Variants in TNS1 observed in about 807,000 individuals in gnomAD.
TNS1 encodes the protein tensin-1.
TNS1 carries 62 observed loss-of-function variants against 168.6 expected under a neutral mutation model. The observed-to-expected ratio is 0.37, with a 90% CI of 0.30 to 0.45. The LOEUF (loss-of-function observed/expected upper bound fraction) is 0.45, where lower values mean the gene tolerates loss of function less well. TNS1 is among the 20% of genes least tolerant of loss of function. TNS1 has a pLI of 1.00. For missense variants in TNS1, 2,240 were observed against 2,339.4 expected, an observed-to-expected ratio of 0.96 and a Z score of 0.88; for synonymous variants, 934 against 933.2, an observed-to-expected ratio of 1.00 and a Z score of -0.02.
At chr2:217,966,775 G>A (rs1469054637) in intron 3 of TNS1, among the ~76,000 whole-genome samples, 1 of 152,158 alleles carries the variant, frequency 6.6e-6, no homozygotes, top group Non-Finnish European at 1.5e-5. Context: ...TCACAGCTGT[G>A]GGGAGTAGAG....
chr2:218,010,505 T>G, upstream of TNS1: 2 of 235,946 alleles, frequency 8.5e-6, no homozygotes, highest in Admixed American at 1.1e-4. Context: ...TCTCCTCCCC[T>G]GGCTGCGTGA....
In TNS1 at chr2:217,906,166, G is replaced by C. The variant is rs183428096; in HGVS notation, c.321+169C>G. 1.1e-3 allele frequency among the ~76,000 whole-genome samples: 170 copies of C among 152,300 alleles called. 1 individual carries two copies. In the Middle Eastern group the frequency reaches 0.017, roughly 15 times the overall value. Reference sequence around the variant, plus strand: ...CGCTTAGATGGAGGCAGCACCAAAGGCTGAGGCCCAGCCTGTAAGGAAATG... The same window carrying C: ...CGCTTAGATGGAGGCAGCACCAAAGCCTGAGGCCCAGCCTGTAAGGAAATG... On this transcript the variant is annotated intron_variant, in intron 6 of 32. Coordinates refer to ENST00000682258, the MANE Select transcript of TNS1 (RefSeq NM_001387777.1).
chr2:217,879,485 T>A (rs552042433), intron 18 of TNS1: 1 of 446,346 alleles, frequency 2.2e-6, no homozygotes, highest in Non-Finnish European at 4.5e-6. Context: ...TGGTGGGGTG[T>A]CTTGGCCAAT....
At chr2:217,857,474 G>A (rs1362856873) in intron 18 of TNS1, among the ~76,000 whole-genome samples, 6 of 152,186 alleles carry the variant, frequency 3.9e-5, no homozygotes, top group African/African-American at 1.2e-4. Flanking sequence ...CTATGTCTGT[G>A]GACCCAGAAC....
At chr2:217,947,660 G>T (rs1957144069) in intron 3 of TNS1, among the ~76,000 whole-genome samples, 1 of 152,166 alleles carries the variant, frequency 6.6e-6, no homozygotes, top group Non-Finnish European at 1.5e-5. Context: ...GCGACAGAAA[G>T]GGGACAAAGG....
At chr2:217,978,739 G>C (rs1039371691) in intron 3 of TNS1, 26 bp downstream of exon 3, 5 of 701,784 alleles carry the variant, frequency 7.1e-6, no homozygotes, top group South Asian at 5.9e-5. Context: ...AAGTCCTCCC[G>C]GGCCCGCCAG....
At chr2:217,930,060 G>C (rs1956241638) in intron 3 of TNS1, among the ~76,000 whole-genome samples, 1 of 152,196 alleles carries the variant, frequency 6.6e-6, no homozygotes. Context: ...TTCGGGACCT[G>C]GCTATGCCTC....
chr2:217,927,283 T>A (rs74842411), intron 3 of TNS1, among the ~76,000 whole-genome samples: 3,357 of 152,248 alleles, frequency 0.022, 129 homozygotes, highest in African/African-American at 0.076. Flanking sequence ...CCCCTTTGGC[T>A]GGGACACAGG....
At chr2:218,003,638 C>T (rs1958613718), upstream of TNS1, among the ~76,000 whole-genome samples, 1 of 151,948 alleles carries the variant, frequency 6.6e-6, no homozygotes, top group Admixed American at 6.5e-5. Context: ...TTTTTTTCCC[C>T]CTTCTTTCTT....
chr2:217,970,679 G>A (rs1225855550), intron 3 of TNS1, among the ~76,000 whole-genome samples: 3 of 152,116 alleles, frequency 2.0e-5, no homozygotes, highest in Non-Finnish European at 2.9e-5. Context: ...ATATAGAGAC[G>A]GGAAGATTAG....
In TNS1 at chr2:217,881,004, G is replaced by A; in HGVS notation, c.1323C>T (p.His441=). The A allele has an allele frequency of 6.2e-7, 1 of 1,613,840 alleles. No homozygotes were observed. Reference sequence around the variant, plus strand: ...CAGACACGCTCGGCCCGTTCTCCAGGTGCTCCATGCCTAAGTGGGATGGGA... The same window carrying A: ...CAGACACGCTCGGCCCGTTCTCCAGATGCTCCATGCCTAAGTGGGATGGGA... ...YGPEKIQGME[H]LENGPSVSVD... is the part of the protein sequence containing the mutation. The change falls in exon 18 of 33, where the codon CAC becomes CAT. Residue 441 remains histidine (H), a synonymous_variant. Coordinates refer to ENST00000682258, the MANE Select transcript of TNS1 (RefSeq NM_001387777.1).
intron 3 of TNS1, among the ~76,000 whole-genome samples, chr2:217,949,991 G>T (rs1229145896): frequency 1.3e-5 from 2 of 152,124 alleles, no homozygotes; most frequent in Admixed American, 6.5e-5. Context: ...CCCCCAAAAG[G>T]CACAGGCACT....
chr2:217,901,110 C>A (rs151261479), intron 6 of TNS1, among the ~76,000 whole-genome samples: 28 of 152,316 alleles, frequency 1.8e-4, no homozygotes, highest in African/African-American at 6.5e-4. Flanking sequence ...AACCATCTCA[C>A]CCACTCCCCT....
intron 20 of TNS1, among the ~76,000 whole-genome samples, chr2:217,835,445 A>G (rs1945035742): frequency 1.3e-5 from 2 of 152,170 alleles, no homozygotes; most frequent in Non-Finnish European, 2.9e-5. Context: ...CTACATCTGA[A>G]TCTTCCAGGG....
At chr2:217,852,814 C>T (rs551034369) in intron 18 of TNS1, among the ~76,000 whole-genome samples, 4 of 152,202 alleles carry the variant, frequency 2.6e-5, no homozygotes, top group Non-Finnish European at 1.5e-5. Context: ...CGAACAGATG[C>T]AAATTGTTTA....
chr2:217,858,108 C>T (rs141672401), intron 18 of TNS1, among the ~76,000 whole-genome samples: 22 of 152,308 alleles, frequency 1.4e-4, no homozygotes, highest in Non-Finnish European at 3.1e-4. Flanking sequence ...AATAACATCT[C>T]ACCAGAGCTA....
rs555507257 is a variant in TNS1, at chr2:217,989,833, C to T, written c.148+1109G>A. Among the ~76,000 whole-genome samples, 4 of 152,028 alleles carry T rather than the reference C, an allele frequency of 2.6e-5. No individual in the cohort carries two copies. In the East Asian group the frequency reaches 7.7e-4, roughly 29 times the overall value. On this transcript the variant is annotated intron_variant, in intron 2 of 32. Transcript: ENST00000682258. ...CACCAACCACATCCCATCCACATGC[C>T]TCAAAACACATCAGCCATGTGACCT... is the stretch of plus-strand genomic sequence containing the variant.
chr2:217,886,214 A>G, intron 13 of TNS1, 110 bp from the exon 14 acceptor site: 1 of 1,189,672 alleles, frequency 8.4e-7, no homozygotes, highest in Non-Finnish European at 1.2e-6. Flanking sequence ...ATGGGGGAAG[A>G]CGGGGTAGGA....
At chr2:217,837,245 T>TA (rs1449568016) in intron 19 of TNS1, among the ~76,000 whole-genome samples, 1 of 152,090 alleles carries the variant, frequency 6.6e-6, no homozygotes, top group Non-Finnish European at 1.5e-5. Flanking sequence ...TGCCAGCCCC[T>TA]AGGAATGTGC....
Sources: allele counts gnomAD v4.1 joint callset (sites outside exome capture counted in the v4.1 genomes callset), GRCh38; gene constraint gnomAD v4.1.1; transcripts MANE v1.5; gene names NCBI Gene and HGNC (gene_info 2026-07-23, HGNC 2026-07-21).